The following DMD variants were observed in gnomAD, a reference collection of about 807,000 sequenced individuals.
DMD encodes the protein dystrophin.
Under a neutral mutation model 330.1 loss-of-function variants are expected in DMD, and 63 were observed. The ratio of observed to expected loss-of-function variants is 0.19; its 90% CI spans 0.16 to 0.24. The LOEUF (loss-of-function observed/expected upper bound fraction) is 0.24, where lower values mean the gene tolerates loss of function less well. Among genes scored for constraint, DMD ranks in the 10% least tolerant of loss-of-function variants. DMD has a pLI of 1.00. For synonymous variants in DMD, 1,223 were observed against 959.8 expected, an observed-to-expected ratio of 1.27 and a Z score of -5.07; for missense variants, 3,344 against 2,684.1, an observed-to-expected ratio of 1.25 and a Z score of -5.43.
chrX:32,788,992 T>C lies in DMD; in HGVS notation c.649+20501A>G, dbSNP rs752164162. 4.3e-4 allele frequency among the ~76,000 whole-genome samples: 48 copies of C among 111,441 alleles called. No homozygotes were observed. The Middle Eastern group carries it at 0.042, about 97-fold the overall frequency. ...AGAGGCAGGCAAAAGAAGAAATAAA[T>C]TAAAGAACAAAGAGTCAGGGATCAC... On this transcript the variant is annotated intron_variant, in intron 7 of 78. Transcript: ENST00000357033.
chrX:31,194,550 C>G (rs1288330824), intron 67 of DMD, among the ~76,000 whole-genome samples: 2 of 112,393 alleles, frequency 1.8e-5, no homozygotes, highest in African/African-American at 6.5e-5. Context: ...CATACATAAA[C>G]AGAGCTGAGA....
At chrX:31,891,802 C>G (rs745641802) in intron 47 of DMD, among the ~76,000 whole-genome samples, 2 of 111,612 alleles carry the variant, frequency 1.8e-5, no homozygotes, top group Non-Finnish European at 3.8e-5. Flanking sequence ...GAGTTGTGGC[C>G]CAACCTCCAG....
At position 32,462,782 on chromosome X, in the gene DMD, C is replaced by T. The variant is rs181781939; in HGVS notation, c.3432+657G>A. 6.3e-3 allele frequency among the ~76,000 whole-genome samples: 697 copies of T among 110,149 alleles called. 4 individuals carry two copies. Among genetic ancestry groups the T allele is most frequent in the African/African-American group, 0.022 (653 of 30,272 alleles). ...ACCAGCCTGGGAAACACAGCAAGAC[C>T]CTGTCTCTACCAAAAAATAACAAAA... is the stretch of plus-strand genomic sequence containing the variant. On this transcript the variant is annotated intron_variant, in intron 25 of 78. Coordinates refer to ENST00000357033, the MANE Select transcript of DMD (RefSeq NM_004006.3).
chrX:31,890,903 A>C (rs1239856118), intron 47 of DMD, among the ~76,000 whole-genome samples: 1 of 112,026 alleles, frequency 8.9e-6, no homozygotes, highest in East Asian at 2.8e-4. Flanking sequence ...TAAATATAAA[A>C]AAAATTTTCT....
At chrX:32,383,285 G>T (rs73619060) in intron 33 of DMD, among the ~76,000 whole-genome samples, 14,319 of 110,211 alleles carry the variant, frequency 0.13, 948 homozygotes, top group African/African-American at 0.25. Context: ...TTATTTTATT[G>T]TGTTATGGCA....
In DMD at chrX:31,203,977, C is replaced by T. The variant is rs796102824; in HGVS notation, c.9791G>A (p.Arg3264Gln). Residue 3264 changes from arginine (R) to glutamine (Q), a missense_variant, in exon 67 of 79, where the codon CGG becomes CAG. Arg to Gln is a conservative substitution (Grantham distance 43). Transcript: ENST00000357033. Reference sequence around the variant, plus strand: ...ATAACTTACAAATTGGAAGCAGCTCCGGACACTTGGCTCAATGTTACTGCC... The same window carrying T: ...ATAACTTACAAATTGGAAGCAGCTCTGGACACTTGGCTCAATGTTACTGCC... ...FGGSNIEPSVRSCFQFANNKP... is the reference protein window; with the variant it reads ...FGGSNIEPSVQSCFQFANNKP... The T allele has an allele frequency of 1.3e-5, 16 of 1,208,948 alleles. No homozygotes were observed. The highest frequency in any genetic ancestry group is 1.8e-5 in the South Asian group (1 of 56,933).
At chrX:33,295,115 C>T (rs1256827904) in intron 1 of DMD, among the ~76,000 whole-genome samples, 1 of 111,169 alleles carries the variant, frequency 9.0e-6, no homozygotes, top group Non-Finnish European at 1.9e-5. Context: ...AAACATAGCC[C>T]TTGTTAAAAT....
chrX:31,556,055 T>C (rs186830172), intron 55 of DMD, among the ~76,000 whole-genome samples: 95 of 110,294 alleles, frequency 8.6e-4, no homozygotes, highest in African/African-American at 2.8e-3. Flanking sequence ...AGATTTATGA[T>C]AGGTGAAGTT....
chrX:31,273,052 C>A (rs2051790216), intron 62 of DMD, among the ~76,000 whole-genome samples: 1 of 111,374 alleles, frequency 9.0e-6, no homozygotes, highest in Non-Finnish European at 1.9e-5. Context: ...TATGCTTTGG[C>A]CTTAGGAAAG....
chrX:32,717,218 C>T (rs1473826093), intron 7 of DMD, among the ~76,000 whole-genome samples: 1 of 111,134 alleles, frequency 9.0e-6, no homozygotes, highest in Non-Finnish European at 1.9e-5. Context: ...TTTGCAGCAG[C>T]CCCTCCTATC....
At chrX:32,945,984 C>G (rs2090778383) in intron 2 of DMD, among the ~76,000 whole-genome samples, 1 of 110,988 alleles carries the variant, frequency 9.0e-6, no homozygotes, top group African/African-American at 3.3e-5. Context: ...TTTTTGAAGT[C>G]TCATAATCAA....
At chrX:32,672,963 A>G (rs1047403515) in intron 9 of DMD, among the ~76,000 whole-genome samples, 2 of 111,298 alleles carry the variant, frequency 1.8e-5, no homozygotes, top group Admixed American at 1.9e-4. Context: ...CCCAAGGTTT[A>G]ATTACAAGAA....
chrX:32,599,634 G>C (rs991372017), intron 12 of DMD, among the ~76,000 whole-genome samples: 3 of 111,462 alleles, frequency 2.7e-5, no homozygotes, highest in Non-Finnish European at 5.7e-5. Flanking sequence ...AAAAATGTTT[G>C]TCTGTCAGAA....
intron 1 of DMD, among the ~76,000 whole-genome samples, chrX:33,170,054 C>G (rs2049259593): frequency 9.0e-6 from 1 of 111,387 alleles, no homozygotes; most frequent in Non-Finnish European, 1.9e-5. Context: ...TAATACTCAA[C>G]TCATTGGTAG....
At chrX:32,514,253 A>AAG (rs2045623573) in intron 18 of DMD, among the ~76,000 whole-genome samples, 1 of 105,822 alleles carries the variant, frequency 9.4e-6, no homozygotes, top group African/African-American at 3.4e-5. Flanking sequence ...AAAAAAAAAA[A>AAG]GATACTATGA....
chrX:32,462,238 T>A (rs2098386010), intron 25 of DMD, among the ~76,000 whole-genome samples: 2 of 111,429 alleles, frequency 1.8e-5, no homozygotes, highest in African/African-American at 6.5e-5. Context: ...AAATTTAATT[T>A]ATAAATTAGG....
intron 48 of DMD, among the ~76,000 whole-genome samples, chrX:31,847,385 A>G (rs1027096286): frequency 1.8e-5 from 2 of 111,485 alleles, no homozygotes; most frequent in Non-Finnish European, 3.8e-5. Flanking sequence ...CTTTAGAAAG[A>G]CCATTTTGAA....
intron 53 of DMD, among the ~76,000 whole-genome samples, chrX:31,677,068 T>A (rs747648977): frequency 1.4e-3 from 2 of 1,443 alleles, no homozygotes; most frequent in East Asian, 0.33. Flanking sequence ...TTCCAAAGCG[T>A]TTTTTTTTTT....
chrX:31,699,860 G>A (rs943752938), intron 52 of DMD, among the ~76,000 whole-genome samples: 1 of 111,391 alleles, frequency 9.0e-6, no homozygotes, highest in Admixed American at 9.6e-5. Context: ...AGCTTTCTGT[G>A]TATTTGAAAA....
Sources: gnomAD v4.1 joint callset for allele counts (sites outside exome capture counted in the v4.1 genomes callset) on GRCh38, gnomAD v4.1.1 for gene constraint, MANE v1.5 for transcripts, NCBI Gene and HGNC (gene_info 2026-07-23, HGNC 2026-07-21) for gene names.